The following STARD10 variants were observed in gnomAD, a reference collection of about 807,000 sequenced individuals.
The protein encoded by STARD10 is StAR related lipid transfer domain containing 10.
Under a neutral mutation model 36.0 loss-of-function variants are expected in STARD10, and 24 were observed. That is an observed-to-expected ratio of 0.67 (90% CI 0.48 to 0.94). The LOEUF (loss-of-function observed/expected upper bound fraction) is 0.94, where lower values mean the gene tolerates loss of function less well. Among genes scored for constraint, STARD10 ranks in the 40% least tolerant of loss-of-function variants. The probability of loss-of-function intolerance (pLI) is 0.00; values close to 1 mark genes in which losing one functional copy is unlikely to be tolerated. For synonymous variants in STARD10, 156 were observed against 161.9 expected (o/e 0.96, Z 0.28); for missense variants, 335 against 396.6 (o/e 0.84, Z 1.32).
chr11:72,759,861 C>G (rs988441714), intron 2 of STARD10, among the ~76,000 whole-genome samples: 1 of 149,218 alleles, frequency 6.7e-6, no homozygotes, highest in Non-Finnish European at 1.5e-5. Flanking sequence ...CACCTGTCCT[C>G]TTATTTGTGG....
chr11:72,789,680 G>A, intron 1 of STARD10, among the ~76,000 whole-genome samples: 2 of 152,186 alleles, frequency 1.3e-5, no homozygotes, highest in East Asian at 3.9e-4. Flanking sequence ...ACTGGTGTGG[G>A]TGGAATTCTC....
At chr11:72,756,625 G>A (rs1858648147) in intron 5 of STARD10, among the ~76,000 whole-genome samples, 1 of 152,158 alleles carries the variant, frequency 6.6e-6, no homozygotes, top group African/African-American at 2.4e-5. Flanking sequence ...GGGCACAGAA[G>A]TGGGGATGGG....
chr11:72,779,456 G>A (rs1458596737), intron 2 of STARD10, among the ~76,000 whole-genome samples: 1 of 152,178 alleles, frequency 6.6e-6, no homozygotes, highest in African/African-American at 2.4e-5. Flanking sequence ...GCTGAGTGTG[G>A]TGGTGTGCAC....
chr11:72,781,922 GC>G lies in STARD10; in HGVS notation c.-113-629del, dbSNP rs1352259329. On this transcript the variant is annotated intron_variant, in intron 1 of 6. Coordinates refer to ENST00000334805, the MANE Select transcript of STARD10 (RefSeq NM_006645.3). The surrounding 1 kb of genome is among the most constrained non-coding windows in gnomAD (Gnocchi z 4.7). ...CTGACGGATCTCCGAGCCCCGCCCC[GC>G]CCCACCCCGCAGGGTCCTAGCGCCC... 14 of 151,642 alleles carry G rather than the reference GC, an allele frequency of 9.2e-5. No individual in the cohort carries two copies. Among genetic ancestry groups the G allele is most frequent in the Admixed American group, 7.2e-4 (11 of 15,266 alleles). 9.4% of individuals were successfully genotyped at this position (151,642 alleles called of 1,614,324 possible).
intron 1 of STARD10, among the ~76,000 whole-genome samples, chr11:72,785,179 C>G (rs1167503133): frequency 1.3e-5 from 2 of 152,132 alleles, no homozygotes; most frequent in Non-Finnish European, 2.9e-5. Context: ...CACAGCAGAA[C>G]TAAAGACCCC....
intron 2 of STARD10, among the ~76,000 whole-genome samples, chr11:72,762,762 T>C (rs1858738279): frequency 1.3e-5 from 2 of 152,068 alleles, no homozygotes; most frequent in Non-Finnish European, 2.9e-5. Context: ...AGGTAGGGGT[T>C]TGCCAAGTGC....
intron 2 of STARD10, among the ~76,000 whole-genome samples, chr11:72,762,110 G>C (rs924402121): frequency 6.6e-6 from 1 of 151,456 alleles, no homozygotes; most frequent in Non-Finnish European, 1.5e-5. Flanking sequence ...ATTTTTAATA[G>C]AGACGGGGTT....
rs776164661 is a variant in STARD10 at position 72,757,904 on chromosome 11, G to A, written c.460-20C>T. On this transcript the variant is annotated intron_variant, in intron 4 of 6. Transcript: ENST00000334805. ...GTATTTCTGGGGATGGAAGGCACAG[G>A]GAGGTGAGACTCGGGGTGGGGGCAA... The A allele has an allele frequency of 3.1e-6, 5 of 1,610,704 alleles. No homozygotes were observed. The South Asian group carries it at 5.5e-5, about 18-fold the overall frequency.
intron 2 of STARD10, among the ~76,000 whole-genome samples, chr11:72,763,719 C>T (rs747347106): frequency 2.0e-5 from 3 of 152,068 alleles, no homozygotes; most frequent in East Asian, 3.9e-4. Context: ...AAGGGAGGAA[C>T]GCGATGGTGA....
At chr11:72,782,768 T>A (rs1003137090) in intron 1 of STARD10, among the ~76,000 whole-genome samples, 9 of 152,164 alleles carry the variant, frequency 5.9e-5, no homozygotes, top group South Asian at 2.1e-4. Flanking sequence ...CAGCTCTTCC[T>A]CCATCTGCTC....
rs376320906 is a variant in STARD10 at position 72,781,137 on chromosome 11, C to T, written c.45G>A (p.Pro15=). ...AASTEPQGPR[P]VLGRESVQVP... ...CCTGGACACTCTCACGGCCCAGGAC[C>T]GGCCGAGGCCCTTGGGGCTCTGTAG... Residue 15 remains proline, a synonymous_variant, in exon 2 of 7, where the codon CCG becomes CCA. Coordinates refer to ENST00000334805, the MANE Select transcript of STARD10 (RefSeq NM_006645.3). This position sits in a 1 kb window ranked among gnomAD's most constrained non-coding sequence, Gnocchi z 4.7. 2.3e-4 allele frequency: 378 copies of T among 1,613,110 alleles called. No individual in the cohort carries two copies. The highest frequency in any genetic ancestry group is 3.0e-4 in the Non-Finnish European group (357 of 1,180,034).
At chr11:72,758,032 G>A in intron 4 of STARD10, 148 bp from the exon 5 acceptor site, 2 of 759,204 alleles carry the variant, frequency 2.6e-6, no homozygotes, top group South Asian at 3.2e-5. Context: ...GATTCTGGGT[G>A]CAGAGAAAGG....
At chr11:72,764,075 C>T (rs141588157) in intron 2 of STARD10, among the ~76,000 whole-genome samples, 166 of 152,288 alleles carry the variant, frequency 1.1e-3, no homozygotes, top group African/African-American at 3.6e-3. Context: ...CTAGTTGGCT[C>T]TGCAAATCTT....
Position 72,789,639 on chromosome 11 carries a change from T to G in STARD10, c.-114+3236A>C, listed in dbSNP as rs7950439. On this transcript the variant is annotated intron_variant, in intron 1 of 6. Coordinates refer to ENST00000334805, the MANE Select transcript of STARD10 (RefSeq NM_006645.3). Reference sequence around the variant, plus strand: ...CAGCATGGCACTGAGAGGTCCACATTCCAGGGGCTGGCTCCCAGGACCGCG... The same window carrying G: ...CAGCATGGCACTGAGAGGTCCACATGCCAGGGGCTGGCTCCCAGGACCGCG... Among the ~76,000 whole-genome samples the G allele has an allele frequency of 4.8e-3, 735 of 152,270 alleles. 3 individuals carry two copies. The highest frequency in any genetic ancestry group is 0.017 in the African/African-American group (712 of 41,554).
chr11:72,788,121 G>A (rs1334368473), intron 1 of STARD10, among the ~76,000 whole-genome samples: 3 of 152,308 alleles, frequency 2.0e-5, no homozygotes, highest in Admixed American at 6.5e-5. Flanking sequence ...ACCTACCCAG[G>A]GAGATAGCAT....
chr11:72,770,762 C>T (rs938527197), intron 2 of STARD10, among the ~76,000 whole-genome samples: 1 of 152,004 alleles, frequency 6.6e-6, no homozygotes, highest in Non-Finnish European at 1.5e-5. Flanking sequence ...TAAGCTGGAT[C>T]CTAAAAGATG....
chr11:72,766,339 A>G (rs985596105), intron 2 of STARD10, among the ~76,000 whole-genome samples: 5 of 152,174 alleles, frequency 3.3e-5, no homozygotes, highest in African/African-American at 2.4e-5. Context: ...GCGGTGAACC[A>G]GACCTGAGCC....
rs1189000490 is a variant in STARD10 at position 72,761,917 on chromosome 11, CTTTTT to C, written c.208-2541_208-2537del. Among the ~76,000 whole-genome samples the C allele has an allele frequency of 8.3e-4, 31 of 37,478 alleles. 1 individual carries two copies. Among genetic ancestry groups the C allele is most frequent in the Middle Eastern group, 0.029 (1 of 34 alleles). The allele number at this position is 37,478 out of a possible 152,430, so 24.6% of individuals were successfully genotyped here. On this transcript the variant is annotated intron_variant, in intron 2 of 6. Coordinates refer to ENST00000334805, the MANE Select transcript of STARD10 (RefSeq NM_006645.3). ...TCTGTATTTCTTTTTCTTTTCTTTT[CTTTTT>C]TTTTTTTTTTTTTTTTTTTTGAGAT... is the stretch of plus-strand genomic sequence containing the variant.
chr11:72,783,973 G>A (rs1482293470), intron 1 of STARD10, among the ~76,000 whole-genome samples: 1 of 152,168 alleles, frequency 6.6e-6, no homozygotes, highest in Non-Finnish European at 1.5e-5. Context: ...GGGCGACCTG[G>A]CAGGCAGCCA....
Sources: allele counts gnomAD v4.1 joint callset (sites outside exome capture counted in the v4.1 genomes callset), GRCh38; gene constraint gnomAD v4.1.1; non-coding constraint Gnocchi (gnomAD v3.1); transcripts MANE v1.5; gene names NCBI Gene and HGNC (gene_info 2026-07-23, HGNC 2026-07-21).